Variants in PTPRN2 observed in about 807,000 individuals in gnomAD.
The protein encoded by PTPRN2 is receptor-type tyrosine-protein phosphatase N2.
PTPRN2 carries 74 observed loss-of-function variants against 118.8 expected under a neutral mutation model. The ratio of observed to expected loss-of-function variants is 0.62; its 90% CI spans 0.52 to 0.76. The LOEUF (loss-of-function observed/expected upper bound fraction) is 0.76. PTPRN2 is among the 30% of genes least tolerant of loss of function. The probability of loss-of-function intolerance (pLI) is 0.00; values close to 1 mark genes in which losing one functional copy is unlikely to be tolerated. For synonymous variants in PTPRN2, 641 were observed against 608.0 expected (o/e 1.05, Z -0.80); for missense variants, 1,481 against 1,394.4 (o/e 1.06, Z -0.99).
chr7:157,735,228 C>G (rs187453879), intron 12 of PTPRN2, among the ~76,000 whole-genome samples: 6 of 152,258 alleles, frequency 3.9e-5, no homozygotes, highest in African/African-American at 1.4e-4. Flanking sequence ...AACAGACACT[C>G]AAGCAACTCT....
chr7:157,676,155 C>T lies in PTPRN2; in HGVS notation c.2001+6570G>A, dbSNP rs1415365369. ...TGCAGCCGAGTCCTTTCCACGACAC[C>T]CCAGCTCCCTGTCTAAACTCTTGGC... On this transcript the variant is annotated intron_variant, in intron 13 of 22. Coordinates refer to ENST00000389418, the MANE Select transcript of PTPRN2 (RefSeq NM_002847.5). The surrounding 1 kb of genome is among the most constrained non-coding windows in gnomAD (Gnocchi z 5.6). 1.3e-5 allele frequency among the ~76,000 whole-genome samples: 2 copies of T among 152,050 alleles called. No homozygotes were observed. The highest frequency in any genetic ancestry group is 6.5e-5 in the Admixed American group (1 of 15,270).
At chr7:157,910,305 CGTGGGGACGGGTCCA>C (rs1206335401) in intron 11 of PTPRN2, among the ~76,000 whole-genome samples, 6 of 149,256 alleles carry the variant, frequency 4.0e-5, no homozygotes, top group Non-Finnish European at 8.9e-5. Flanking sequence ...GCACGTACGC[CGTGGGGACGGGTCCA>C]GGATCACGCA....
intron 12 of PTPRN2, among the ~76,000 whole-genome samples, chr7:157,812,747 C>T (rs1354496549): frequency 2.6e-5 from 4 of 152,074 alleles, no homozygotes; most frequent in African/African-American, 9.7e-5. Context: ...CAAGGAGGCC[C>T]GTGATTTCAC....
chr7:157,544,584 G>C (rs978416259), intron 22 of PTPRN2, among the ~76,000 whole-genome samples: 6 of 152,354 alleles, frequency 3.9e-5, no homozygotes, highest in African/African-American at 1.4e-4. Flanking sequence ...GAGGGCATGG[G>C]GCTTCTTGGG....
intron 15 of PTPRN2, among the ~76,000 whole-genome samples, chr7:157,607,933 C>T (rs2150590514): frequency 6.6e-6 from 1 of 152,204 alleles, no homozygotes; most frequent in East Asian, 1.9e-4. Flanking sequence ...TTGTTTTAGC[C>T]GAATTCATTT....
At chr7:157,789,321 C>CCTGTTGGG (rs1454392467) in intron 12 of PTPRN2, among the ~76,000 whole-genome samples, 1 of 152,334 alleles carries the variant, frequency 6.6e-6, no homozygotes, top group East Asian at 1.9e-4. Context: ...TTCTAAGCTG[C>CCTGTTGGG]CTGTTGGGCA....
chr7:158,520,318 A>G (rs938427768), intron 1 of PTPRN2, among the ~76,000 whole-genome samples: 2 of 152,200 alleles, frequency 1.3e-5, no homozygotes, highest in African/African-American at 4.8e-5. Context: ...AAATTCCACT[A>G]TTGTGAAATT....
At chr7:157,686,487 G>C (rs1225365876) in intron 12 of PTPRN2, among the ~76,000 whole-genome samples, 1 of 152,156 alleles carries the variant, frequency 6.6e-6, no homozygotes, top group Non-Finnish European at 1.5e-5. Flanking sequence ...GTTTAAAAGT[G>C]AGTTTGAGGC....
chr7:157,608,193 G>A (rs757229521), intron 15 of PTPRN2, among the ~76,000 whole-genome samples: 4 of 152,020 alleles, frequency 2.6e-5, no homozygotes, highest in Non-Finnish European at 5.9e-5. Flanking sequence ...TCAGCCTCCC[G>A]AGTAGCTGGG....
intron 3 of PTPRN2, among the ~76,000 whole-genome samples, chr7:158,257,928 C>T (rs987507493): frequency 1.3e-5 from 2 of 152,234 alleles, no homozygotes; most frequent in African/African-American, 4.8e-5. Flanking sequence ...CCTCTGAGCG[C>T]TGCCTCAGCT....
chr7:158,162,148 G>C (rs1014922777), intron 6 of PTPRN2, among the ~76,000 whole-genome samples: 3 of 152,224 alleles, frequency 2.0e-5, no homozygotes, highest in Admixed American at 1.3e-4. Flanking sequence ...GCAGAATGCA[G>C]AATGCCACAG....
At chr7:158,342,452 C>G (rs71547515) in intron 2 of PTPRN2, among the ~76,000 whole-genome samples, 10 of 89,436 alleles carry the variant, frequency 1.1e-4, no homozygotes, top group African/African-American at 1.3e-4. Context: ...GTCACTCACA[C>G]CCACACTCTC....
intron 11 of PTPRN2, among the ~76,000 whole-genome samples, chr7:158,017,679 C>T (rs535743775): frequency 9.9e-5 from 15 of 152,276 alleles, no homozygotes; most frequent in African/African-American, 3.1e-4. Context: ...GACTCCCCAG[C>T]AGCAGCCCAC....
intron 3 of PTPRN2, among the ~76,000 whole-genome samples, chr7:158,250,086 A>C (rs1283127616): frequency 6.6e-6 from 1 of 152,228 alleles, no homozygotes; most frequent in Non-Finnish European, 1.5e-5. Flanking sequence ...AAAAAGCAAC[A>C]GATGAATTGT....
chr7:157,670,528 C>T (rs1359353091), intron 13 of PTPRN2, among the ~76,000 whole-genome samples: 1 of 152,198 alleles, frequency 6.6e-6, no homozygotes, highest in African/African-American at 2.4e-5. Context: ...ATAAAGGTGG[C>T]ATCTTAGATG....
chr7:157,665,039 C>T (rs1224468164), intron 13 of PTPRN2, among the ~76,000 whole-genome samples: 1 of 152,244 alleles, frequency 6.6e-6, no homozygotes, highest in Admixed American at 6.5e-5. Flanking sequence ...TGGTGCCAAG[C>T]AGGAAGCCCC....
At chr7:157,898,631 A>T in intron 12 of PTPRN2, 42 bp downstream of exon 12, 1 of 1,508,222 alleles carries the variant, frequency 6.6e-7, no homozygotes, top group Non-Finnish European at 9.2e-7. Context: ...CCCAGACAGC[A>T]CTGCAGATCG....
At chr7:158,124,937 C>T (rs1817499786) in intron 9 of PTPRN2, among the ~76,000 whole-genome samples, 1 of 152,288 alleles carries the variant, frequency 6.6e-6, no homozygotes, top group South Asian at 2.1e-4. Flanking sequence ...TGCTGGTGCG[C>T]AAGAGAGAAG....
intron 1 of PTPRN2, among the ~76,000 whole-genome samples, chr7:158,540,763 A>G (rs1825940942): frequency 6.6e-6 from 1 of 152,022 alleles, no homozygotes; most frequent in African/African-American, 2.4e-5. Flanking sequence ...AAATTCCATG[A>G]GCTTTTCCTT....
Sources: gnomAD v4.1 joint callset for allele counts (sites outside exome capture counted in the v4.1 genomes callset) on GRCh38, gnomAD v4.1.1 for gene constraint, Gnocchi (gnomAD v3.1) non-coding constraint, MANE v1.5 for transcripts, NCBI Gene and HGNC (gene_info 2026-07-23, HGNC 2026-07-21) for gene names.